The following IMMP2L variants were observed in gnomAD, a reference collection of about 807,000 sequenced individuals.
The protein encoded by IMMP2L is inner mitochondrial membrane peptidase subunit 2, also known as mitochondrial inner membrane protease subunit 2.
Under a neutral mutation model 19.3 loss-of-function variants are expected in IMMP2L, and 18 were observed. The ratio of observed to expected loss-of-function variants is 0.93; its 90% CI spans 0.64 to 1.38. IMMP2L has a LOEUF of 1.38. Ranked by LOEUF, IMMP2L falls within the 40% of genes most tolerant of loss-of-function variation. IMMP2L has a pLI of 0.00. For missense variants in IMMP2L, 233 were observed against 218.2 expected (o/e 1.07, Z -0.43); for synonymous variants, 76 against 73.0 (o/e 1.04, Z -0.21).
intron 3 of IMMP2L, among the ~76,000 whole-genome samples, chr7:111,226,171 T>C (rs191934548): frequency 2.6e-5 from 4 of 152,120 alleles, no homozygotes; most frequent in Admixed American, 1.3e-4. Context: ...TTGTTTTGTT[T>C]TCTGAGACAG....
intron 5 of IMMP2L, among the ~76,000 whole-genome samples, chr7:110,717,104 G>A (rs1795277444): frequency 6.6e-6 from 1 of 152,170 alleles, no homozygotes; most frequent in African/African-American, 2.4e-5. Context: ...GTAGCGGATA[G>A]AGCATTACTG....
At chr7:110,868,114 GGTTT>G (rs1808166364) in intron 5 of IMMP2L, among the ~76,000 whole-genome samples, 1 of 71,712 alleles carries the variant, frequency 1.4e-5, no homozygotes. Context: ...GTTCTTGTGA[GGTTT>G]GTGTGTGTGT....
At position 111,310,175 on chromosome 7, in the gene IMMP2L, C is replaced by T. The variant is rs1823353052; in HGVS notation, c.239+177063G>A. ...GCTTGAACCCGGGAGGTGGAGGTTG[C>T]AGTGAGTCGAGATCACCACTGCACT... On this transcript the variant is annotated intron_variant, in intron 3 of 5. Coordinates refer to ENST00000405709, the MANE Select transcript of IMMP2L (RefSeq NM_032549.4). Among the ~76,000 whole-genome samples, 8 of 149,546 alleles carry T rather than the reference C, an allele frequency of 5.3e-5. No homozygotes were observed. In the South Asian group the frequency reaches 1.7e-3, roughly 32 times the overall value.
chr7:111,506,649 C>A (rs867463589), intron 2 of IMMP2L, among the ~76,000 whole-genome samples: 1 of 152,302 alleles, frequency 6.6e-6, no homozygotes, highest in Middle Eastern at 3.4e-3. Context: ...CCTGCCTTGG[C>A]CTCCCAAAGT....
rs1469159963 is a variant in IMMP2L at position 110,803,636 on chromosome 7, G to C, written c.408+82957C>G. On this transcript the variant is annotated intron_variant, in intron 5 of 5. Coordinates refer to ENST00000405709, the MANE Select transcript of IMMP2L (RefSeq NM_032549.4). This position sits in a 1 kb window ranked among gnomAD's most constrained non-coding sequence, Gnocchi z 4.2. ...CTCTGCTGTGGTTAGTCATTGGATG[G>C]GGGGAGCTCCAGAAATGGGAGTGAC... Among the ~76,000 whole-genome samples the C allele has an allele frequency of 6.6e-6, 1 of 151,978 alleles. No homozygotes were observed. Among genetic ancestry groups the C allele is most frequent in the African/African-American group, 2.4e-5 (1 of 41,398 alleles).
intron 3 of IMMP2L, among the ~76,000 whole-genome samples, chr7:111,447,233 G>A: frequency 1.5e-5 from 2 of 135,268 alleles, no homozygotes; most frequent in Admixed American, 7.4e-5. Flanking sequence ...CTCGAGAAGA[G>A]CAACTCCAAG....
At chr7:111,049,405 A>T (rs1038287266) in intron 3 of IMMP2L, among the ~76,000 whole-genome samples, 1 of 152,110 alleles carries the variant, frequency 6.6e-6, no homozygotes, top group African/African-American at 2.4e-5. Context: ...TGCTGGGATT[A>T]CAGGCGTGAG....
At chr7:111,060,585 A>T (rs1157933339) in intron 3 of IMMP2L, among the ~76,000 whole-genome samples, 1 of 152,190 alleles carries the variant, frequency 6.6e-6, no homozygotes, top group East Asian at 1.9e-4. Flanking sequence ...GGTTGTTAAT[A>T]CTTTGGGGCA....
intron 3 of IMMP2L, among the ~76,000 whole-genome samples, chr7:111,027,458 A>C (rs912507211): frequency 1.3e-5 from 2 of 152,154 alleles, no homozygotes; most frequent in African/African-American, 4.8e-5. Flanking sequence ...AGAATGACTC[A>C]ATAATGATGT....
At chr7:111,340,236 C>G (rs1826878047) in intron 3 of IMMP2L, among the ~76,000 whole-genome samples, 1 of 151,958 alleles carries the variant, frequency 6.6e-6, no homozygotes, top group African/African-American at 2.4e-5. Context: ...TCAATATGAT[C>G]CCTGAATATT....
intron 5 of IMMP2L, among the ~76,000 whole-genome samples, chr7:110,697,370 T>C (rs1793968621): frequency 6.6e-6 from 1 of 152,162 alleles, no homozygotes; most frequent in Admixed American, 6.5e-5. Flanking sequence ...AACTTTATAC[T>C]CAAATGTTTA....
At chr7:111,038,680 A>C (rs1451261680) in intron 3 of IMMP2L, among the ~76,000 whole-genome samples, 1 of 152,188 alleles carries the variant, frequency 6.6e-6, no homozygotes, top group Non-Finnish European at 1.5e-5. Flanking sequence ...AAAAGGGAGT[A>C]CATTGTTTCA....
intron 3 of IMMP2L, among the ~76,000 whole-genome samples, chr7:111,126,039 T>C (rs1303895525): frequency 1.3e-5 from 2 of 152,088 alleles, no homozygotes; most frequent in Non-Finnish European, 2.9e-5. Flanking sequence ...GCCAGGCTGC[T>C]CTCGAACTCC....
At chr7:111,006,404 C>T (rs1242804171) in intron 3 of IMMP2L, among the ~76,000 whole-genome samples, 1 of 152,130 alleles carries the variant, frequency 6.6e-6, no homozygotes, top group African/African-American at 2.4e-5. Context: ...TTCATAGACG[C>T]ATAGACTTTT....
intron 5 of IMMP2L, among the ~76,000 whole-genome samples, chr7:110,686,423 C>T (rs986150396): frequency 4.6e-5 from 7 of 151,960 alleles, no homozygotes; most frequent in Admixed American, 1.3e-4. Context: ...CCCTCAAATT[C>T]GTATTTCCAG....
chr7:110,677,068 C>T lies in IMMP2L; in HGVS notation c.409-13347G>A, dbSNP rs138851713. Among the ~76,000 whole-genome samples the T allele has an allele frequency of 1.6e-4, 25 of 152,226 alleles. No homozygotes were observed. The East Asian group carries it at 4.8e-3, about 29-fold the overall frequency. ...CCACCTCTCTGGTAACCATTTTTTG[C>T]TCATGTCAATATTACACATGAACAA... On this transcript the variant is annotated intron_variant, in intron 5 of 5. Transcript: ENST00000405709.
At chr7:110,985,073 T>C (rs577640852) in intron 3 of IMMP2L, among the ~76,000 whole-genome samples, 16 of 152,068 alleles carry the variant, frequency 1.1e-4, no homozygotes, top group South Asian at 1.0e-3. Context: ...ACTTTGAAGA[T>C]GGAAGAGGGA....
chr7:110,730,135 T>C (rs1230573504), intron 5 of IMMP2L, among the ~76,000 whole-genome samples: 3 of 152,120 alleles, frequency 2.0e-5, no homozygotes, highest in Non-Finnish European at 2.9e-5. Context: ...GTCAACTTGA[T>C]TGGATTGAAG....
chr7:110,891,219 T>C (rs1190234835), intron 4 of IMMP2L, among the ~76,000 whole-genome samples: 1 of 150,072 alleles, frequency 6.7e-6, no homozygotes, highest in African/African-American at 2.5e-5. Context: ...CTCTTTATCA[T>C]TGTTAACAGA....
Sources: gnomAD v4.1 joint callset for allele counts (sites outside exome capture counted in the v4.1 genomes callset) on GRCh38, gnomAD v4.1.1 for gene constraint, Gnocchi (gnomAD v3.1) non-coding constraint, MANE v1.5 for transcripts, NCBI Gene and HGNC (gene_info 2026-07-23, HGNC 2026-07-21) for gene names.